Variants in AUTS2 observed in about 807,000 individuals in gnomAD.
The protein encoded by AUTS2 is activator of transcription and developmental regulator AUTS2.
AUTS2 carries 17 observed loss-of-function variants against 112.4 expected under a neutral mutation model. The ratio of observed to expected loss-of-function variants is 0.15; its 90% CI spans 0.10 to 0.23. The LOEUF is 0.23. AUTS2 is among the 10% of genes least tolerant of loss of function. AUTS2 has a pLI of 1.00. For synonymous variants in AUTS2, 751 were observed against 702.7 expected, an observed-to-expected ratio of 1.07 and a Z score of -1.09; for missense variants, 1,510 against 1,701.6, an observed-to-expected ratio of 0.89 and a Z score of 1.98.
At chr7:69,620,926 G>A (rs961644667) in intron 1 of AUTS2, among the ~76,000 whole-genome samples, 1 of 152,150 alleles carries the variant, frequency 6.6e-6, no homozygotes, top group Admixed American at 6.5e-5. Flanking sequence ...GGGACTTGAG[G>A]GTTCACAGAT....
chr7:69,785,102 T>C (rs1300027177), intron 1 of AUTS2, among the ~76,000 whole-genome samples: 1 of 152,204 alleles, frequency 6.6e-6, no homozygotes, highest in Non-Finnish European at 1.5e-5. Flanking sequence ...GAAGGCCTTA[T>C]AAATGACTAT....
intron 1 of AUTS2, among the ~76,000 whole-genome samples, chr7:69,789,532 G>A (rs2129324218): frequency 6.6e-6 from 1 of 152,228 alleles, no homozygotes; most frequent in Admixed American, 6.5e-5. Context: ...TATTTCTGCT[G>A]GGACCCAGGG....
intron 4 of AUTS2, among the ~76,000 whole-genome samples, chr7:70,170,595 CTTTT>C (rs398005103): frequency 2.4e-5 from 3 of 127,008 alleles, no homozygotes; most frequent in East Asian, 2.3e-4. Context: ...GACACGTTAT[CTTTT>C]TTTTTTTTTT....
chr7:70,728,146 G>A (rs1401914125), intron 6 of AUTS2, among the ~76,000 whole-genome samples: 1 of 151,196 alleles, frequency 6.6e-6, no homozygotes, highest in Non-Finnish European at 1.5e-5. Context: ...AGTATGTCCT[G>A]AAGCACATCG....
intron 5 of AUTS2, among the ~76,000 whole-genome samples, chr7:70,647,149 C>A (rs909085395): frequency 1.3e-5 from 2 of 152,178 alleles, no homozygotes; most frequent in African/African-American, 4.8e-5. Flanking sequence ...TTGGAGAATG[C>A]GTTCTGGTCC....
chr7:70,141,726 A>G (rs1376805807), intron 4 of AUTS2, among the ~76,000 whole-genome samples: 5 of 152,152 alleles, frequency 3.3e-5, no homozygotes, highest in Admixed American at 2.6e-4. Flanking sequence ...TGTATTTCCC[A>G]TGTCTAATTC....
At chr7:69,771,698 C>T (rs1434588354) in intron 1 of AUTS2, among the ~76,000 whole-genome samples, 1 of 151,542 alleles carries the variant, frequency 6.6e-6, no homozygotes, top group Non-Finnish European at 1.5e-5. Flanking sequence ...ACAGTGGTCT[C>T]TTGGGGAGAT....
intron 5 of AUTS2, among the ~76,000 whole-genome samples, chr7:70,551,615 T>C (rs1321466813): frequency 1.3e-5 from 2 of 152,066 alleles, no homozygotes; most frequent in African/African-American, 4.8e-5. Context: ...CTAGGAAACA[T>C]GACAACTAAA....
chr7:70,059,813 G>C (rs966373169), intron 2 of AUTS2, among the ~76,000 whole-genome samples: 2 of 152,146 alleles, frequency 1.3e-5, no homozygotes, highest in African/African-American at 4.8e-5. Context: ...GATTTTTGAG[G>C]TAGGAAGTGA....
chr7:70,792,617 T>G lies in AUTS2; in HGVS notation c.*1621T>G, dbSNP rs903079492. ...GTGAACTCCAGATGTTGTGCGGTGT[T>G]TTTTTTTTTTTTTAAGACAACAACT... is the stretch of plus-strand genomic sequence containing the variant. On this transcript the variant is annotated 3_prime_UTR_variant, in exon 19 of 19. Transcript: ENST00000342771. The G allele has an allele frequency of 6.7e-5, 8 of 119,676 alleles. No homozygotes were observed. Among genetic ancestry groups the G allele is most frequent in the African/African-American group, 2.5e-4 (8 of 31,564 alleles). The allele number at this position is 119,676 out of a possible 1,614,324, so 7.4% of individuals were successfully genotyped here.
chr7:70,438,557 C>T (rs1795990547), intron 5 of AUTS2, among the ~76,000 whole-genome samples: 1 of 152,148 alleles, frequency 6.6e-6, no homozygotes, highest in African/African-American at 2.4e-5. Context: ...ACTCTAATTG[C>T]CCTCGCACCT....
At chr7:70,648,207 T>G (rs1481808955) in intron 5 of AUTS2, among the ~76,000 whole-genome samples, 1 of 152,206 alleles carries the variant, frequency 6.6e-6, no homozygotes, top group East Asian at 1.9e-4. Flanking sequence ...GAATGTGAGC[T>G]GCTGTGGTTA....
At chr7:70,413,184 A>G in intron 4 of AUTS2, among the ~76,000 whole-genome samples, 1 of 152,194 alleles carries the variant, frequency 6.6e-6, no homozygotes, top group East Asian at 1.9e-4. Context: ...GAGCAAAAGC[A>G]AATCTTTGCT....
chr7:69,662,190 T>G (rs1795832776), intron 1 of AUTS2, among the ~76,000 whole-genome samples: 1 of 152,138 alleles, frequency 6.6e-6, no homozygotes, highest in Non-Finnish European at 1.5e-5. Context: ...TTTTTTTTTT[T>G]TTAATTAACA....
At chr7:70,666,440 G>A (rs1807353089) in intron 5 of AUTS2, among the ~76,000 whole-genome samples, 1 of 152,180 alleles carries the variant, frequency 6.6e-6, no homozygotes, top group African/African-American at 2.4e-5. Context: ...TTACAGGACA[G>A]ACAGAGATTT....
intron 5 of AUTS2, among the ~76,000 whole-genome samples, chr7:70,653,075 G>GA (rs1490289824): frequency 6.6e-6 from 1 of 151,910 alleles, no homozygotes; most frequent in Non-Finnish European, 1.5e-5. Flanking sequence ...GGCAACATAG[G>GA]AAGACTCTAT....
intron 1 of AUTS2, among the ~76,000 whole-genome samples, chr7:69,728,851 T>A (rs1205060221): frequency 1.3e-5 from 2 of 152,174 alleles, no homozygotes; most frequent in Non-Finnish European, 2.9e-5. Context: ...CTCAGTGTTA[T>A]GGAAAATCCT....
At chr7:70,781,532 C>T (rs1040530758) in intron 14 of AUTS2, 83 bp from the exon 15 acceptor site, 40 of 1,516,988 alleles carry the variant, frequency 2.6e-5, no homozygotes, top group African/African-American at 4.2e-5. Context: ...GCACCGTTCA[C>T]AGTCTCCAGC....
intron 1 of AUTS2, among the ~76,000 whole-genome samples, chr7:69,840,720 T>G (rs1348219169): frequency 2.0e-5 from 3 of 152,086 alleles, no homozygotes; most frequent in African/African-American, 7.2e-5. Flanking sequence ...TCATTGGAGG[T>G]GACTATGATG....
Sources: allele counts gnomAD v4.1 joint callset (sites outside exome capture counted in the v4.1 genomes callset), GRCh38; gene constraint gnomAD v4.1.1; transcripts MANE v1.5; gene names NCBI Gene and HGNC (gene_info 2026-07-23, HGNC 2026-07-21).